NTM: variants seen among roughly 807,000 people sequenced by gnomAD.
NTM encodes the protein IgLON family member 2.
In NTM, 13 loss-of-function variants were observed where a neutral mutation model predicts 42.1. That is an observed-to-expected ratio of 0.31 (90% CI 0.20 to 0.49). The LOEUF is 0.49. Ranked by LOEUF, NTM falls within the 20% of genes least tolerant of loss-of-function variation. NTM has a pLI of 0.99. For missense variants in NTM, 373 were observed against 452.8 expected, an observed-to-expected ratio of 0.82 and a Z score of 1.60; for synonymous variants, 187 against 179.2, an observed-to-expected ratio of 1.04 and a Z score of -0.35.
chr11:131,629,060 CTA>C (rs1346488025), intron 1 of NTM, among the ~76,000 whole-genome samples: 1 of 152,230 alleles, frequency 6.6e-6, no homozygotes, highest in Non-Finnish European at 1.5e-5. Context: ...GTTTTCTGCT[CTA>C]TGTTAGTGCA....
intron 1 of NTM, among the ~76,000 whole-genome samples, chr11:131,653,342 G>T (rs1285622384): frequency 6.6e-6 from 1 of 151,982 alleles, no homozygotes; most frequent in African/African-American, 2.4e-5. Context: ...AGTCTTCCTT[G>T]CTTCCAGGGG....
At chr11:132,282,483 C>G (rs2094012307) in intron 4 of NTM, among the ~76,000 whole-genome samples, 1 of 152,080 alleles carries the variant, frequency 6.6e-6, no homozygotes, top group Non-Finnish European at 1.5e-5. Flanking sequence ...AGTCCCAGCC[C>G]CCTCCTCAAA....
At chr11:132,282,828 C>A (rs982623703) in intron 4 of NTM, among the ~76,000 whole-genome samples, 1 of 152,074 alleles carries the variant, frequency 6.6e-6, no homozygotes, top group Non-Finnish European at 1.5e-5. Context: ...ATTAACTTAA[C>A]TTCTTAACTC....
chr11:132,005,196 C>A (rs1016658493), intron 2 of NTM, among the ~76,000 whole-genome samples: 30 of 152,176 alleles, frequency 2.0e-4, no homozygotes, highest in African/African-American at 7.2e-4. Context: ...TGTCATTCTG[C>A]ACCTCTGGGG....
At chr11:131,430,100 G>A (rs1361061376) in intron 1 of NTM, among the ~76,000 whole-genome samples, 1 of 152,162 alleles carries the variant, frequency 6.6e-6, no homozygotes, top group East Asian at 1.9e-4. Flanking sequence ...GCTGGGCGCT[G>A]GGATATGGCA....
At chr11:132,253,924 C>T (rs1301265697) in intron 4 of NTM, among the ~76,000 whole-genome samples, 1 of 152,216 alleles carries the variant, frequency 6.6e-6, no homozygotes, top group Non-Finnish European at 1.5e-5. Flanking sequence ...GACATAGGAG[C>T]TCAGCTTGCC....
At chr11:131,947,482 G>C (rs1419239888) in intron 2 of NTM, among the ~76,000 whole-genome samples, 1 of 152,148 alleles carries the variant, frequency 6.6e-6, no homozygotes, top group East Asian at 1.9e-4. Flanking sequence ...AGCACCTACA[G>C]AGAACCAGGC....
intron 2 of NTM, among the ~76,000 whole-genome samples, chr11:132,032,083 C>T (rs552513954): frequency 2.0e-5 from 3 of 152,278 alleles, no homozygotes; most frequent in Middle Eastern, 3.4e-3. Flanking sequence ...TCACACTCTG[C>T]ACACATCCCA....
At chr11:132,015,633 A>ATATTT (rs151321359) in intron 2 of NTM, among the ~76,000 whole-genome samples, 61,836 of 142,918 alleles carry the variant, frequency 0.43, 14,155 homozygotes, top group East Asian at 0.86. Flanking sequence ...TTATTCTTAG[A>ATATTT]TATTTTATTT....
intron 1 of NTM, among the ~76,000 whole-genome samples, chr11:131,380,348 C>T (rs35385808): frequency 0.025 from 3,858 of 151,834 alleles, 79 homozygotes; most frequent in Middle Eastern, 0.044. Context: ...GCTGGGATTA[C>T]AGGCATGTGC....
At chr11:131,446,881 CA>C (rs755168210) in intron 1 of NTM, among the ~76,000 whole-genome samples, 5 of 152,212 alleles carry the variant, frequency 3.3e-5, no homozygotes, top group Admixed American at 6.5e-5. Context: ...GAATAGGTCC[CA>C]GCTAAAAGCT....
At chr11:131,708,482 A>G (rs2076805223) in intron 1 of NTM, among the ~76,000 whole-genome samples, 1 of 152,188 alleles carries the variant, frequency 6.6e-6, no homozygotes, top group Admixed American at 6.5e-5. Context: ...GCTGCATGAA[A>G]CAAATATATG....
intron 1 of NTM, among the ~76,000 whole-genome samples, chr11:131,790,356 G>A (rs1276488386): frequency 6.6e-6 from 1 of 152,094 alleles, no homozygotes; most frequent in East Asian, 1.9e-4. Flanking sequence ...TGACATTTCT[G>A]AATCTTGATA....
intron 4 of NTM, among the ~76,000 whole-genome samples, chr11:132,266,114 C>T (rs2139612339): frequency 6.6e-6 from 1 of 152,300 alleles, no homozygotes; most frequent in Non-Finnish European, 1.5e-5. Context: ...AGTAATACAC[C>T]TGCCTGCCTG....
At chr11:131,502,172 C>G (rs1055616312) in intron 1 of NTM, among the ~76,000 whole-genome samples, 2 of 152,004 alleles carry the variant, frequency 1.3e-5, no homozygotes, top group Non-Finnish European at 2.9e-5. Context: ...ATCCTCACCC[C>G]CCAGAGGATG....
At chr11:131,610,489 C>T (rs1565704852) in intron 1 of NTM, among the ~76,000 whole-genome samples, 1 of 152,018 alleles carries the variant, frequency 6.6e-6, no homozygotes, top group Admixed American at 6.6e-5. Context: ...CAGGCGAGAT[C>T]CACAGTTTCA....
chr11:131,929,292 C>T (rs1479784576), intron 2 of NTM, among the ~76,000 whole-genome samples: 4 of 151,670 alleles, frequency 2.6e-5, no homozygotes, highest in Non-Finnish European at 4.4e-5. Context: ...TACAAAGGTG[C>T]TGAGGAGGGA....
At chr11:131,739,045 G>T (rs2080849402) in intron 1 of NTM, among the ~76,000 whole-genome samples, 1 of 152,072 alleles carries the variant, frequency 6.6e-6, no homozygotes, top group African/African-American at 2.4e-5. Flanking sequence ...TTTTCCATCT[G>T]CCAAGTGAAG....
intron 3 of NTM, among the ~76,000 whole-genome samples, chr11:132,199,906 G>A (rs904967540): frequency 4.6e-5 from 7 of 151,622 alleles, no homozygotes; most frequent in Admixed American, 2.0e-4. Context: ...AAAGACATTC[G>A]GTATTTCTAG....
Sources: gnomAD v4.1 joint callset for allele counts (sites outside exome capture counted in the v4.1 genomes callset) on GRCh38, gnomAD v4.1.1 for gene constraint, MANE v1.5 for transcripts, NCBI Gene and HGNC (gene_info 2026-07-23, HGNC 2026-07-21) for gene names.